DOCK8: variants seen among roughly 807,000 people sequenced by gnomAD.
The protein encoded by DOCK8 is dedicator of cytokinesis protein 8.
DOCK8 carries 141 observed loss-of-function variants against 245.6 expected under a neutral mutation model. The ratio of observed to expected loss-of-function variants is 0.57; its 90% CI spans 0.50 to 0.66. The LOEUF is 0.66. Among genes scored for constraint, DOCK8 ranks in the 30% least tolerant of loss-of-function variants. The probability of loss-of-function intolerance (pLI) is 0.00; values close to 1 mark genes in which losing one functional copy is unlikely to be tolerated. For synonymous variants in DOCK8, 1,168 were observed against 970.2 expected, an observed-to-expected ratio of 1.20 and a Z score of -3.79; for missense variants, 2,965 against 2,603.4, an observed-to-expected ratio of 1.14 and a Z score of -3.02.
At chr9:243,235 C>G (rs2047419995) in intron 1 of DOCK8, among the ~76,000 whole-genome samples, 1 of 152,146 alleles carries the variant, frequency 6.6e-6, no homozygotes, top group African/African-American at 2.4e-5. Context: ...GGGAGGTGAC[C>G]TTTATATGTT....
At chr9:400,353 C>T (rs1301400629) in intron 26 of DOCK8, among the ~76,000 whole-genome samples, 15 of 72,442 alleles carry the variant, frequency 2.1e-4, no homozygotes, top group Admixed American at 4.3e-4. Flanking sequence ...CCACCACCAC[C>T]TCCTCCACCA....
chr9:286,217 A>G (rs1301660931), intron 2 of DOCK8, among the ~76,000 whole-genome samples: 3 of 152,192 alleles, frequency 2.0e-5, no homozygotes, highest in Non-Finnish European at 4.4e-5. Context: ...TAAGGAGAGA[A>G]AAATTCCGCC....
At chr9:431,569 C>T (rs563023900) in intron 36 of DOCK8, among the ~76,000 whole-genome samples, 4 of 152,182 alleles carry the variant, frequency 2.6e-5, no homozygotes, top group South Asian at 2.1e-4. Context: ...AGTGCAGTGG[C>T]GAGATCTTGG....
At chr9:261,374 C>T (rs2047914155) in intron 1 of DOCK8, among the ~76,000 whole-genome samples, 1 of 152,106 alleles carries the variant, frequency 6.6e-6, no homozygotes, top group Admixed American at 6.6e-5. Flanking sequence ...GAAAGATATG[C>T]TTAAAATTAT....
chr9:420,637 C>G, intron 31 of DOCK8, 54 bp downstream of exon 31: 1 of 1,605,852 alleles, frequency 6.2e-7, no homozygotes, highest in East Asian at 2.2e-5. Context: ...AATTGCAATT[C>G]TGTCTTCTTA....
intron 5 of DOCK8, among the ~76,000 whole-genome samples, chr9:310,305 T>G (rs922833762): frequency 1.3e-5 from 2 of 151,826 alleles, no homozygotes; most frequent in East Asian, 1.9e-4. Context: ...TTGGCTTTAT[T>G]AAATACACTT....
chr9:422,984 C>CA (rs56034723), intron 33 of DOCK8, among the ~76,000 whole-genome samples: 1,388 of 102,546 alleles, frequency 0.014, 36 homozygotes, highest in African/African-American at 0.049. Context: ...GACTCCATCT[C>CA]AAAAAAAAAA....
intron 14 of DOCK8, among the ~76,000 whole-genome samples, chr9:361,624 G>A (rs1189732831): frequency 6.6e-6 from 1 of 152,004 alleles, no homozygotes; most frequent in East Asian, 1.9e-4. Flanking sequence ...CATCTCCCCT[G>A]GTATAAAAGC....
At chr9:326,408 G>C (rs892055907) in intron 8 of DOCK8, among the ~76,000 whole-genome samples, 1 of 152,116 alleles carries the variant, frequency 6.6e-6, no homozygotes, top group Non-Finnish European at 1.5e-5. Context: ...CAATCTCAGT[G>C]GTTTAAAGCA....
intron 20 of DOCK8, among the ~76,000 whole-genome samples, 182 bp from the exon 21 acceptor site, chr9:379,589 T>C (rs1453548822): frequency 6.6e-6 from 1 of 152,106 alleles, no homozygotes; most frequent in Non-Finnish European, 1.5e-5. Flanking sequence ...AAAGAGGGAA[T>C]GTGGAGGCAT....
chr9:437,681 G>A lies in DOCK8; in HGVS notation c.5080-1564G>A, dbSNP rs559124660. On this transcript the variant is annotated intron_variant, in intron 39 of 47. Transcript: ENST00000432829. ...CTGCTCCAATGAAATAGAGCTTTTG[G>A]AAAAGATTTATAAACTAGAGATAAA... Among the ~76,000 whole-genome samples the A allele has an allele frequency of 2.6e-5, 4 of 151,100 alleles. No homozygotes were observed. The East Asian group carries it at 5.8e-4, about 22-fold the overall frequency.
At chr9:226,445 T>G (rs2046992565) in intron 1 of DOCK8, among the ~76,000 whole-genome samples, 2 of 152,076 alleles carry the variant, frequency 1.3e-5, no homozygotes, top group African/African-American at 2.4e-5. Flanking sequence ...CTTTTGTGTT[T>G]AAAAGATCTA....
intron 46 of DOCK8, among the ~76,000 whole-genome samples, chr9:462,904 C>T (rs1344907390): frequency 6.6e-6 from 1 of 152,170 alleles, no homozygotes; most frequent in Admixed American, 6.5e-5. Context: ...ACAGTGTTAT[C>T]TTGGGCAAGC....
At chr9:432,391 T>A in intron 37 of DOCK8, 67 bp downstream of exon 37, 1 of 1,408,674 alleles carries the variant, frequency 7.1e-7, no homozygotes, top group Non-Finnish European at 1.0e-6. Context: ...TGTATGTATG[T>A]ATGTACATAT....
chr9:253,901 T>C (rs1587668927), intron 1 of DOCK8, among the ~76,000 whole-genome samples: 1 of 152,162 alleles, frequency 6.6e-6, no homozygotes, highest in Non-Finnish European at 1.5e-5. Flanking sequence ...CATTTATGCA[T>C]TGAGAAAAGA....
At chr9:334,413 G>A (rs1254430905) in intron 11 of DOCK8, 29 bp downstream of exon 11, 3 of 1,609,074 alleles carry the variant, frequency 1.9e-6, no homozygotes, top group Non-Finnish European at 2.5e-6. Flanking sequence ...GTGGGAAAGG[G>A]AGGGCTCCCC....
chr9:399,308 C>T (rs1156620584), intron 26 of DOCK8, 49 bp downstream of exon 26: 1 of 1,216,380 alleles, frequency 8.2e-7, no homozygotes, highest in Non-Finnish European at 1.1e-6. Flanking sequence ...TTGGTTCCTT[C>T]TCATATAATG....
intron 6 of DOCK8, 74 bp downstream of exon 6, chr9:312,240 A>G (rs1449831832): frequency 2.6e-6 from 4 of 1,533,446 alleles, no homozygotes; most frequent in African/African-American, 1.4e-5. Context: ...TGTGTTGTTC[A>G]TTATTACTAT....
intron 37 of DOCK8, among the ~76,000 whole-genome samples, 161 bp downstream of exon 37, chr9:432,485 T>C (rs2056754738): frequency 6.6e-6 from 1 of 152,170 alleles, no homozygotes; most frequent in African/African-American, 2.4e-5. Flanking sequence ...TGAGAGGTTT[T>C]AAAAAGAAAT....
Sources: allele counts gnomAD v4.1 joint callset (sites outside exome capture counted in the v4.1 genomes callset), GRCh38; gene constraint gnomAD v4.1.1; transcripts MANE v1.5; gene names NCBI Gene and HGNC (gene_info 2026-07-23, HGNC 2026-07-21).